LRP1: variants seen among roughly 807,000 people sequenced by gnomAD.
The protein encoded by LRP1 is prolow-density lipoprotein receptor-related protein 1.
LRP1 carries 51 observed loss-of-function variants against 541.5 expected under a neutral mutation model. That is an observed-to-expected ratio of 0.09 (90% CI 0.08 to 0.12). LRP1 has a LOEUF of 0.12. LRP1 is among the 10% of genes least tolerant of loss of function. LRP1 has a pLI of 1.00. For synonymous variants in LRP1, 2,219 were observed against 2,470.8 expected (o/e 0.90, Z 3.02); for missense variants, 3,878 against 6,376.2 (o/e 0.61, Z 13.34).
rs576800042 is a variant in LRP1 at position 57,145,331 on chromosome 12, C to T, written c.682C>T (p.Arg228Trp). 1.2e-5 allele frequency: 20 copies of T among 1,614,010 alleles called. No individual in the cohort carries two copies. The highest frequency in any genetic ancestry group is 9.9e-5 in the South Asian group (9 of 91,080). Residue 228 changes from arginine (R) to tryptophan (W), a missense_variant, in exon 6 of 89, where the codon CGG (arginine) becomes TGG (tryptophan). Physicochemically the swap from Arg to Trp is moderately radical, Grantham distance 101 (BLOSUM62 -3). Transcript: ENST00000243077. ...GTCTACCATCACACCTACGAGCACGCGGCAGACCACAGCCATGGACTTCAG... is the reference window on the plus strand; with the variant it reads ...GTCTACCATCACACCTACGAGCACGTGGCAGACCACAGCCATGGACTTCAG... ...QVSTITPTST[R>W]QTTAMDFSYA...
intron 76 of LRP1, among the ~76,000 whole-genome samples, chr12:57,207,281 A>AATAC (rs2036803048): frequency 7.3e-6 from 1 of 136,244 alleles, no homozygotes; most frequent in African/African-American, 2.8e-5. Context: ...TAAATAAATA[A>AATAC]ATAGAGACTC....
chr12:57,155,512 T>C (rs1382620038), intron 8 of LRP1: 2 of 153,786 alleles, frequency 1.3e-5, no homozygotes, highest in Non-Finnish European at 2.9e-5. Context: ...GGAGGATGTA[T>C]AGAAGGAGAA....
At chr12:57,166,809 A>G (rs895560355) in intron 17 of LRP1, 121 bp from the exon 18 acceptor site, 1 of 687,384 alleles carries the variant, frequency 1.5e-6, no homozygotes, top group Non-Finnish European at 2.6e-6. Context: ...TGAATTCTCT[A>G]AGAGAAATGG....
Position 57,197,964 on chromosome 12 carries a change from C to T in LRP1, c.9283-192C>T, listed in dbSNP as rs1191210020. On this transcript the variant is annotated intron_variant, in intron 58 of 88. Coordinates refer to ENST00000243077, the MANE Select transcript of LRP1 (RefSeq NM_002332.3). This position sits in a 1 kb window ranked among gnomAD's most constrained non-coding sequence, Gnocchi z 4.5. Reference sequence around the variant, plus strand: ...TGGTCCCATTCACCTAGAGCCCCCTCTCCTAGAGCCTCTGCTGACACCTAC... The same window carrying T: ...TGGTCCCATTCACCTAGAGCCCCCTTTCCTAGAGCCTCTGCTGACACCTAC... 6.6e-6 allele frequency among the ~76,000 whole-genome samples: 1 copy of T among 152,226 alleles called. No homozygotes were observed. The highest frequency in any genetic ancestry group is 2.4e-5 in the African/African-American group (1 of 41,466).
intron 51 of LRP1, 58 bp downstream of exon 51, chr12:57,195,159 A>C (rs1378491127): frequency 7.5e-6 from 12 of 1,595,660 alleles, no homozygotes; most frequent in Middle Eastern, 1.7e-4. Context: ...GACCCCACCC[A>C]ACTCCACCCC....
chr12:57,210,604 C>T (rs1234613945), intron 82 of LRP1, 114 bp from the exon 83 acceptor site: 2 of 1,450,398 alleles, frequency 1.4e-6, no homozygotes, highest in Non-Finnish European at 1.9e-6. Flanking sequence ...CACAACCCAG[C>T]ATCCAGTCAC....
chr12:57,187,086 T>C (rs1467008126), intron 41 of LRP1, among the ~76,000 whole-genome samples, 181 bp from the exon 42 acceptor site: 1 of 152,026 alleles, frequency 6.6e-6, no homozygotes, highest in East Asian at 1.9e-4. Context: ...ACAGCAGAGG[T>C]TGGGGGCACT....
chr12:57,139,144 CTTG>C (rs1308474856), intron 2 of LRP1, among the ~76,000 whole-genome samples: 2 of 152,186 alleles, frequency 1.3e-5, no homozygotes, highest in Non-Finnish European at 2.9e-5. Context: ...AAGTGGAGAA[CTTG>C]TTGGTGGGAC....
rs185813305 is a variant in LRP1, at chr12:57,179,424, C to T, written c.4834C>T (p.Pro1612Ser). ...CAACTACATCATCTCCTTCACGGTG[C>T]CCGACATCGACAACGTCACAGTGCT... ...YYNYIISFTV[P>S]DIDNVTVLDY... Residue 1612 changes from proline (P) to serine (S), a missense_variant, in exon 29 of 89, where the codon CCC becomes TCC. Physicochemically the swap from Pro to Ser is moderately conservative, Grantham distance 74. Around this residue, in one of 13 missense-constraint regions of LRP1, gnomAD observed 394 missense variants for 635.9 expected, o/e 0.62. Coordinates refer to ENST00000243077, the MANE Select transcript of LRP1 (RefSeq NM_002332.3). The surrounding 1 kb of genome is among the most constrained non-coding windows in gnomAD (Gnocchi z 6.8). 6.2e-7 allele frequency: 1 copy of T among 1,614,250 alleles called. No homozygotes were observed. Among genetic ancestry groups the T allele is most frequent in the East Asian group, 2.2e-5 (1 of 44,894 alleles).
rs1249830926 is a variant in LRP1, at chr12:57,211,505, G to A, written c.13110G>A (p.Val4370=). 2.5e-6 allele frequency: 4 copies of A among 1,613,908 alleles called. No individual in the cohort carries two copies. The highest frequency in any genetic ancestry group is 1.1e-5 in the South Asian group (1 of 91,090). Reference sequence around the variant, plus strand: ...CCTGCAGCTGCACGGATGGCCGGGTGGCCCCCAGCTGTCTGACCTGCGTCG... The same window carrying A: ...CCTGCAGCTGCACGGATGGCCGGGTAGCCCCCAGCTGTCTGACCTGCGTCG... ...DVTCNCTDGR[V]APSCLTCVGH... The change falls in exon 85 of 89, where the codon GTG becomes GTA. Residue 4370 remains valine, a synonymous_variant. Coordinates refer to ENST00000243077, the MANE Select transcript of LRP1 (RefSeq NM_002332.3). The surrounding 1 kb of genome is among the most constrained non-coding windows in gnomAD (Gnocchi z 4.3).
intron 6 of LRP1, chr12:57,149,119 G>A (rs1426449818): frequency 7.9e-6 from 4 of 506,058 alleles, no homozygotes; most frequent in Non-Finnish European, 1.4e-5. Context: ...TCCCCACTGT[G>A]CTGGGCACCC....
intron 1 of LRP1, among the ~76,000 whole-genome samples, chr12:57,131,103 A>T (rs2035029170): frequency 6.6e-6 from 1 of 152,086 alleles, no homozygotes; most frequent in Non-Finnish European, 1.5e-5. Context: ...ATCAACATTG[A>T]ACTTTCTTGT....
chr12:57,185,956 G>T lies in LRP1; in HGVS notation c.6841+48G>T. On this transcript the variant is annotated intron_variant, in intron 41 of 88. Transcript: ENST00000243077. This position sits in a 1 kb window ranked among gnomAD's most constrained non-coding sequence, Gnocchi z 4.9. ...CCCAGGAAGTGGGACATGGGGCGGG[G>T]AGCAGCACAGACTCTTAGACCCCAG... 1.9e-6 allele frequency: 3 copies of T among 1,571,022 alleles called. No homozygotes were observed. Among genetic ancestry groups the T allele is most frequent in the Non-Finnish European group, 2.6e-6 (3 of 1,158,140 alleles).
chr12:57,202,052 G>A (rs1315357326), intron 67 of LRP1, 147 bp downstream of exon 67: 5 of 1,053,882 alleles, frequency 4.7e-6, no homozygotes, highest in Non-Finnish European at 6.9e-6. Context: ...GTGGGGCTGG[G>A]GAAGGAGGCC....
In LRP1 at chr12:57,175,482, T is replaced by C. The variant is rs1243337803; in HGVS notation, c.3570T>C (p.Gly1190=). 2 of 1,613,584 alleles carry C rather than the reference T, an allele frequency of 1.2e-6. No individual in the cohort carries two copies. The highest frequency in any genetic ancestry group is 2.2e-5 in the East Asian group (1 of 44,868). ...ELCDQCSLNN[G]GCSHNCSVAP... ...TAGACCAGTGCTCTCTGAATAACGG[T>C]GGCTGCAGCCACAACTGCTCAGTGG... The change falls in exon 23 of 89, where the codon GGT becomes GGC. Residue 1190 remains glycine (G), a synonymous_variant. Transcript: ENST00000243077.
intron 20 of LRP1, among the ~76,000 whole-genome samples, chr12:57,172,199 G>A (rs2035959547): frequency 6.7e-6 from 1 of 150,310 alleles, no homozygotes; most frequent in Non-Finnish European, 1.5e-5. Context: ...TTGAGATGGA[G>A]TCTCTCTGTC....
Position 57,180,816 on chromosome 12 carries a change from G to A in LRP1, c.5527+9G>A, listed in dbSNP as rs760780307. ...CGAGAGCATCCAGCTGGGTAGGTGC[G>A]AGGCCGGGCGGCCGCTGGGGGCTCA... On this transcript the variant is annotated intron_variant, in intron 33 of 88. Transcript: ENST00000243077. The A allele has an allele frequency of 9.3e-6, 15 of 1,613,076 alleles. No homozygotes were observed. The highest frequency in any genetic ancestry group is 1.6e-4 in the Middle Eastern group (1 of 6,064).
At chr12:57,149,870 C>T (rs1189064673) in intron 6 of LRP1, 6 of 656,808 alleles carry the variant, frequency 9.1e-6, no homozygotes, top group South Asian at 3.4e-5. Context: ...TCAGACTCTC[C>T]GCCATCTCTC....
chr12:57,210,195 G>A (rs1259303714), intron 81 of LRP1, 26 bp downstream of exon 81: 3 of 1,572,380 alleles, frequency 1.9e-6, no homozygotes, highest in Admixed American at 1.8e-5. Context: ...CCCAGTCCCA[G>A]CCATGCCTCA....
Sources: allele counts gnomAD v4.1 joint callset (sites outside exome capture counted in the v4.1 genomes callset), GRCh38; gene constraint gnomAD v4.1.1; regional missense constraint gnomAD v4.1.1; non-coding constraint Gnocchi (gnomAD v3.1); transcripts MANE v1.5; gene names NCBI Gene and HGNC (gene_info 2026-07-23, HGNC 2026-07-21).